TECTA: variants seen among roughly 807,000 people sequenced by gnomAD.
The protein encoded by TECTA is alpha-tectorin.
In TECTA, 128 loss-of-function variants were observed where a neutral mutation model predicts 216.8. That is an observed-to-expected ratio of 0.59 (90% CI 0.51 to 0.68). The LOEUF (loss-of-function observed/expected upper bound fraction) is 0.68. Ranked by LOEUF, TECTA falls within the 30% of genes least tolerant of loss-of-function variation. TECTA has a pLI of 0.00. For missense variants in TECTA, 2,551 were observed against 2,786.2 expected, an observed-to-expected ratio of 0.92 and a Z score of 1.90; for synonymous variants, 1,089 against 1,117.1, an observed-to-expected ratio of 0.97 and a Z score of 0.50.
At position 121,189,850 on chromosome 11, in the gene TECTA, A is replaced by G; in HGVS notation, c.6337A>G (p.Thr2113Ala). 1.9e-6 allele frequency: 3 copies of G among 1,613,510 alleles called. No individual in the cohort carries two copies. The highest frequency in any genetic ancestry group is 2.5e-6 in the Non-Finnish European group (3 of 1,179,916). ...GCCTCTCTGCAGCTGTGTAACAGGA[A>G]CCCTGCAGGAGGACGGCAAGAGCTG... ...DGPLCSCVTG[T>A]LQEDGKSCRA... Residue 2113 changes from threonine to alanine, a missense_variant, in exon 23 of 24, where the codon ACC becomes GCC. Thr to Ala is a moderately conservative substitution (Grantham distance 58). Coordinates refer to ENST00000392793, the MANE Select transcript of TECTA (RefSeq NM_005422.4).
chr11:121,176,999 T>C (rs1171600860), intron 20 of TECTA, among the ~76,000 whole-genome samples: 1 of 152,254 alleles, frequency 6.6e-6, no homozygotes, highest in Non-Finnish European at 1.5e-5. Context: ...CTTCACGTAG[T>C]TCTTGAGCCT....
intron 2 of TECTA, among the ~76,000 whole-genome samples, chr11:121,104,896 T>C (rs1157895394): frequency 6.6e-6 from 1 of 152,146 alleles, no homozygotes; most frequent in African/African-American, 2.4e-5. Flanking sequence ...TATTGTCTTA[T>C]ATTCATTCAG....
chr11:121,184,823 T>C (rs778512602), intron 20 of TECTA, among the ~76,000 whole-genome samples: 45 of 152,324 alleles, frequency 3.0e-4, no homozygotes, highest in Non-Finnish European at 5.0e-4. Context: ...TCTGAATTGA[T>C]GTTTATCCTC....
At position 121,122,852 on chromosome 11, in the gene TECTA, C is replaced by CA. The variant is rs58470847; in HGVS notation, c.1204-2435dup. On this transcript the variant is annotated intron_variant, in intron 7 of 23. Transcript: ENST00000392793. ...TGGGAGACAGAGCAAGACCCTGTTT[C>CA]AAAAAAAAAAAAAAATGGTAGCAGC... 1.1e-3 allele frequency among the ~76,000 whole-genome samples: 160 copies of CA among 145,686 alleles called. 1 individual carries two copies. Among genetic ancestry groups the CA allele is most frequent in the Non-Finnish European group, 1.6e-3 (105 of 65,664 alleles).
At position 121,105,804 on chromosome 11, in the gene TECTA, C is replaced by T. The variant is rs1321852784; in HGVS notation, c.65-27C>T. The T allele has an allele frequency of 6.2e-7, 1 of 1,613,872 alleles. No individual in the cohort carries two copies. Among genetic ancestry groups the T allele is most frequent in the Non-Finnish European group, 8.5e-7 (1 of 1,179,984 alleles). ...GCCAAACGGCAGAGGGAGCTGCCAT[C>T]TATCTAACCATCATCTCTCTTGACA... On this transcript the variant is annotated intron_variant, in intron 2 of 23. Coordinates refer to ENST00000392793, the MANE Select transcript of TECTA (RefSeq NM_005422.4). This position sits in a 1 kb window ranked among gnomAD's most constrained non-coding sequence, Gnocchi z 5.3.
intron 11 of TECTA, among the ~76,000 whole-genome samples, chr11:121,139,462 G>A (rs1054207359): frequency 1.3e-5 from 2 of 152,186 alleles, no homozygotes; most frequent in African/African-American, 4.8e-5. Context: ...GGAGGCCAAG[G>A]CAGGTGGATC....
intron 7 of TECTA, among the ~76,000 whole-genome samples, chr11:121,119,822 C>G (rs1946539330): frequency 6.6e-6 from 1 of 152,232 alleles, no homozygotes; most frequent in African/African-American, 2.4e-5. Flanking sequence ...GTTTATCAGT[C>G]TCATTATGAG....
intron 1 of TECTA, among the ~76,000 whole-genome samples, chr11:121,102,456 G>A (rs1469387581): frequency 6.6e-6 from 1 of 152,096 alleles, no homozygotes; most frequent in African/African-American, 2.4e-5. Flanking sequence ...GCTTCTTCTG[G>A]GCATCTAATT....
chr11:121,110,945 G>A (rs1946436338), intron 4 of TECTA, among the ~76,000 whole-genome samples: 1 of 152,168 alleles, frequency 6.6e-6, no homozygotes, highest in African/African-American at 2.4e-5. Context: ...AGCTGCAAAA[G>A]TGTCCATCCA....
At chr11:121,173,084 T>A (rs1259560549) in intron 20 of TECTA, among the ~76,000 whole-genome samples, 2 of 152,194 alleles carry the variant, frequency 1.3e-5, no homozygotes, top group Non-Finnish European at 2.9e-5. Flanking sequence ...AGATTCTGGA[T>A]ACTAGCCCTT....
At chr11:121,134,013 T>C (rs1349130204) in intron 10 of TECTA, among the ~76,000 whole-genome samples, 2 of 152,212 alleles carry the variant, frequency 1.3e-5, no homozygotes, top group African/African-American at 4.8e-5. Flanking sequence ...TCATCTTCCA[T>C]GTATTAATTA....
chr11:121,130,110 G>A lies in TECTA; in HGVS notation c.2840G>A (p.Gly947Glu). The A allele has an allele frequency of 4.3e-6, 7 of 1,613,086 alleles. No homozygotes were observed. Among genetic ancestry groups the A allele is most frequent in the Non-Finnish European group, 5.9e-6 (7 of 1,180,008 alleles). The change falls in exon 10 of 24, where the codon GGG (glycine) becomes GAG (glutamate). Residue 947 changes from glycine to glutamate, a missense_variant. Physicochemically the swap from Gly to Glu is moderately conservative, Grantham distance 98. This residue lies in a region of TECTA where 2,375 missense variants were observed against 2,563.9 expected (regional missense o/e 0.93). Transcript: ENST00000392793. Reference protein sequence around the residue: ...RTCLFRLCQSGGNESELCDSV... With the variant: ...RTCLFRLCQSEGNESELCDSV... ...TGCCTTTTCCGCCTGTGCCAGAGTG[G>A]GGGCAATGAGTCAGAGCTCTGTGAC... is the stretch of plus-strand genomic sequence containing the variant.
chr11:121,181,866 A>G (rs186790253), intron 20 of TECTA, among the ~76,000 whole-genome samples: 4 of 152,220 alleles, frequency 2.6e-5, no homozygotes, highest in Admixed American at 6.5e-5. Flanking sequence ...TGCTTCTCCA[A>G]TTTTATGGAT....
At position 121,137,860 on chromosome 11, in the gene TECTA, C is replaced by G; in HGVS notation, c.3381C>G (p.Cys1127Trp). ...DFQTSCPLIL[C>W]TTGSRPSSDS... is the part of the protein sequence containing the mutation. ...AGACCAGCTGCCCACTCATCCTGTGCACCACAGGAAGCAGGCCAAGCTCAG... is the reference window on the plus strand; with the variant it reads ...AGACCAGCTGCCCACTCATCCTGTGGACCACAGGAAGCAGGCCAAGCTCAG... Residue 1127 changes from cysteine (C) to tryptophan (W), a missense_variant, in exon 11 of 24, where the codon TGC becomes TGG. By Grantham distance (215) the Cys-to-Trp change is radical. Around this residue, in one of 3 missense-constraint regions of TECTA, gnomAD observed 2,375 missense variants for 2,563.9 expected, o/e 0.93. Coordinates refer to ENST00000392793, the MANE Select transcript of TECTA (RefSeq NM_005422.4). 6.2e-7 allele frequency: 1 copy of G among 1,606,770 alleles called. No homozygotes were observed. Among genetic ancestry groups the G allele is most frequent in the African/African-American group, 1.3e-5 (1 of 74,944 alleles).
intron 10 of TECTA, among the ~76,000 whole-genome samples, chr11:121,135,150 G>A (rs774649361): frequency 2.0e-5 from 3 of 152,168 alleles, no homozygotes; most frequent in Non-Finnish European, 4.4e-5. Context: ...TAATCTGGTC[G>A]GAGTCTTGCA....
At position 121,158,121 on chromosome 11, in the gene TECTA, T is replaced by C. The variant is rs772997798; in HGVS notation, c.4586T>C (p.Ile1529Thr). 1 of 1,614,206 alleles carries C rather than the reference T, an allele frequency of 6.2e-7. No individual in the cohort carries two copies. The change falls in exon 14 of 24, where the codon ATC becomes ACC. Residue 1529 changes from isoleucine (I) to threonine (T), a missense_variant. This residue lies in a region of TECTA where 2,375 missense variants were observed against 2,563.9 expected (regional missense o/e 0.93). Coordinates refer to ENST00000392793, the MANE Select transcript of TECTA (RefSeq NM_005422.4). ...KLPDISFQLI[I>T]NFDKWSAPNL... is the part of the protein sequence containing the mutation. ...CCCGACATCTCCTTCCAGCTTATCA[T>C]CAACTTCGACAAGTGGTCGGCCCCC...
Position 121,145,929 on chromosome 11 carries a change from C to A in TECTA, c.3918C>A (p.Asn1306Lys). ...KVQQLCSLIP[N>K]QNAAFSKCHS... ...AGCAGCTGTGCAGCCTGATCCCCAA[C>A]CAGAACGCTGCCTTCTCCAAGTGTC... Residue 1306 changes from asparagine (N) to lysine (K), a missense_variant, in exon 12 of 24, where the codon AAC becomes AAA. Physicochemically the swap from Asn to Lys is moderately conservative, Grantham distance 94 (BLOSUM62 0). Transcript: ENST00000392793. The A allele has an allele frequency of 6.2e-7, 1 of 1,614,246 alleles. No individual in the cohort carries two copies. Among genetic ancestry groups the A allele is most frequent in the Non-Finnish European group, 8.5e-7 (1 of 1,180,040 alleles).
At chr11:121,171,076 C>T (rs1388826030) in intron 20 of TECTA, among the ~76,000 whole-genome samples, 1 of 152,122 alleles carries the variant, frequency 6.6e-6, no homozygotes, top group South Asian at 2.1e-4. Flanking sequence ...ACATTTAAAT[C>T]TTTAATCCTC....
At chr11:121,167,840 A>G (rs1246000369) in intron 18 of TECTA, among the ~76,000 whole-genome samples, 1 of 152,218 alleles carries the variant, frequency 6.6e-6, no homozygotes, top group Non-Finnish European at 1.5e-5. Context: ...ACGGGTATTC[A>G]AGGTTATCAG....
Sources: allele counts gnomAD v4.1 joint callset (sites outside exome capture counted in the v4.1 genomes callset), GRCh38; gene constraint gnomAD v4.1.1; regional missense constraint gnomAD v4.1.1; non-coding constraint Gnocchi (gnomAD v3.1); transcripts MANE v1.5; gene names NCBI Gene and HGNC (gene_info 2026-07-23, HGNC 2026-07-21).